The following CCDC85A variants were observed in gnomAD, a reference collection of about 807,000 sequenced individuals.
The protein encoded by CCDC85A is coiled-coil domain containing 85A.
In CCDC85A, 38 loss-of-function variants were observed where a neutral mutation model predicts 50.2. The observed-to-expected ratio is 0.76, with a 90% CI of 0.58 to 0.99. CCDC85A has a LOEUF of 0.99. Ranked by LOEUF, CCDC85A falls within the 50% of genes least tolerant of loss-of-function variation. The pLI, the probability that CCDC85A is intolerant of heterozygous loss-of-function variation, is 0.00. For missense variants in CCDC85A, 820 were observed against 742.0 expected, an observed-to-expected ratio of 1.11 and a Z score of -1.22; for synonymous variants, 366 against 301.4, an observed-to-expected ratio of 1.21 and a Z score of -2.22.
At chr2:56,311,639 C>T (rs1454545106) in intron 2 of CCDC85A, among the ~76,000 whole-genome samples, 2 of 152,046 alleles carry the variant, frequency 1.3e-5, no homozygotes, top group African/African-American at 4.8e-5. Flanking sequence ...AAGTAACTAA[C>T]ATTTGGTGAG....
intron 2 of CCDC85A, among the ~76,000 whole-genome samples, chr2:56,313,712 C>G (rs950866440): frequency 6.6e-6 from 1 of 152,246 alleles, no homozygotes; most frequent in Middle Eastern, 3.4e-3. Context: ...GCCATGGATA[C>G]TTGCTGTGGC....
intron 3 of CCDC85A, among the ~76,000 whole-genome samples, chr2:56,356,049 A>G (rs966160867): frequency 6.6e-6 from 1 of 152,238 alleles, no homozygotes; most frequent in Non-Finnish European, 1.5e-5. Context: ...TTTTAATTTA[A>G]GCATTTTCAT....
intron 1 of CCDC85A, among the ~76,000 whole-genome samples, chr2:56,185,146 G>T (rs1001629963): frequency 6.6e-6 from 1 of 151,746 alleles, no homozygotes; most frequent in Non-Finnish European, 1.5e-5. Flanking sequence ...CGCTGAGGAC[G>T]CTGGAAAGCA....
intron 3 of CCDC85A, among the ~76,000 whole-genome samples, chr2:56,343,674 A>G (rs1674487142): frequency 6.6e-6 from 1 of 152,230 alleles, no homozygotes; most frequent in South Asian, 2.1e-4. Flanking sequence ...CTTTTCAAGC[A>G]TGTGGACAAT....
intron 1 of CCDC85A, among the ~76,000 whole-genome samples, chr2:56,190,819 A>T (rs1676261394): frequency 6.6e-6 from 1 of 151,586 alleles, no homozygotes; most frequent in African/African-American, 2.4e-5. Context: ...CTTTATCCTG[A>T]CCCTCCCTTC....
chr2:56,286,285 C>T (rs1573177680), intron 2 of CCDC85A, among the ~76,000 whole-genome samples: 1 of 152,108 alleles, frequency 6.6e-6, no homozygotes, highest in African/African-American at 2.4e-5. Context: ...AAATATTCAG[C>T]TAGTATTTCT....
intron 1 of CCDC85A, among the ~76,000 whole-genome samples, chr2:56,186,212 G>A (rs1676040020): frequency 6.6e-6 from 1 of 152,124 alleles, no homozygotes; most frequent in African/African-American, 2.4e-5. Flanking sequence ...TCTCTCCTGT[G>A]GTTGAATTCA....
At chr2:56,268,179 A>C (rs1415876044) in intron 2 of CCDC85A, among the ~76,000 whole-genome samples, 1 of 152,216 alleles carries the variant, frequency 6.6e-6, no homozygotes, top group East Asian at 1.9e-4. Context: ...AGGCTTTCAC[A>C]TATATATCAG....
intron 2 of CCDC85A, among the ~76,000 whole-genome samples, chr2:56,226,489 CT>C (rs1380129061): frequency 6.6e-6 from 1 of 152,018 alleles, no homozygotes; most frequent in African/African-American, 2.4e-5. Flanking sequence ...TTCTAAAAGG[CT>C]TTTTTAGCAA....
At chr2:56,190,937 A>G (rs1676269656) in intron 1 of CCDC85A, among the ~76,000 whole-genome samples, 1 of 152,122 alleles carries the variant, frequency 6.6e-6, no homozygotes, top group African/African-American at 2.4e-5. Context: ...AACAACCCAA[A>G]GCCTTTCCCG....
At chr2:56,297,161 T>G (rs1671988276) in intron 2 of CCDC85A, among the ~76,000 whole-genome samples, 1 of 152,146 alleles carries the variant, frequency 6.6e-6, no homozygotes, top group Non-Finnish European at 1.5e-5. Context: ...TGTCTGTAAG[T>G]GCATTACAAA....
intron 3 of CCDC85A, among the ~76,000 whole-genome samples, chr2:56,349,145 G>C (rs1674775764): frequency 6.6e-6 from 1 of 152,090 alleles, no homozygotes; most frequent in Non-Finnish European, 1.5e-5. Flanking sequence ...TGCACAACCT[G>C]TGTAGAATCT....
intron 2 of CCDC85A, among the ~76,000 whole-genome samples, chr2:56,215,715 T>A (rs1345500922): frequency 6.6e-6 from 1 of 151,836 alleles, no homozygotes; most frequent in Non-Finnish European, 1.5e-5. Flanking sequence ...CCCAATCTTG[T>A]GTTTGAAGGT....
chr2:56,375,850 G>C lies in CCDC85A; in HGVS notation c.1487G>C (p.Ser496Thr), dbSNP rs747306201. 1 of 1,613,660 alleles carries C rather than the reference G, an allele frequency of 6.2e-7. No homozygotes were observed. Among genetic ancestry groups the C allele is most frequent in the South Asian group, 1.1e-5 (1 of 91,056 alleles). Residue 496 changes from serine to threonine, a missense_variant, in exon 5 of 6, where the codon AGT becomes ACT. Coordinates refer to ENST00000407595, the MANE Select transcript of CCDC85A (RefSeq NM_001080433.2). Reference sequence around the variant, plus strand: ...AGGTTGTCATCAGGGGCTGATGGGAGTAACAGTTCACCCAACTCTGCAGCT... The same window carrying C: ...AGGTTGTCATCAGGGGCTGATGGGACTAACAGTTCACCCAACTCTGCAGCT... The part of the protein sequence containing the change: ...SFRLSSGADG[S>T]NSSPNSAASF...
intron 2 of CCDC85A, among the ~76,000 whole-genome samples, chr2:56,205,237 A>G (rs1040628558): frequency 7.9e-5 from 12 of 152,150 alleles, no homozygotes; most frequent in Admixed American, 7.2e-4. Context: ...TAATCTAATG[A>G]TGAAACAGTG....
At chr2:56,303,824 G>A (rs749975333) in intron 2 of CCDC85A, among the ~76,000 whole-genome samples, 1 of 152,064 alleles carries the variant, frequency 6.6e-6, no homozygotes, top group African/African-American at 2.4e-5. Flanking sequence ...GTTATGTTCT[G>A]GCATCGTTAA....
At chr2:56,301,854 C>T (rs141914375) in intron 2 of CCDC85A, among the ~76,000 whole-genome samples, 2 of 152,092 alleles carry the variant, frequency 1.3e-5, no homozygotes, top group African/African-American at 4.8e-5. Context: ...ATACCTAATA[C>T]GTGCAGGGCT....
intron 2 of CCDC85A, among the ~76,000 whole-genome samples, chr2:56,204,742 C>A (rs377472086): frequency 2.0e-5 from 3 of 152,184 alleles, no homozygotes; most frequent in Admixed American, 6.5e-5. Flanking sequence ...GTGGAAAGTT[C>A]ACCATGCATG....
At chr2:56,336,263 T>C (rs1202135711) in intron 2 of CCDC85A, among the ~76,000 whole-genome samples, 1 of 152,012 alleles carries the variant, frequency 6.6e-6, no homozygotes, top group Non-Finnish European at 1.5e-5. Context: ...CAAGCAATTC[T>C]CCTGCCTCAG....
Sources: gnomAD v4.1 joint callset for allele counts (sites outside exome capture counted in the v4.1 genomes callset) on GRCh38, gnomAD v4.1.1 for gene constraint, MANE v1.5 for transcripts, NCBI Gene and HGNC (gene_info 2026-07-23, HGNC 2026-07-21) for gene names.